VILL: variants seen among roughly 807,000 people sequenced by gnomAD.
The protein encoded by VILL is villin like.
In VILL, 102 loss-of-function variants were observed where a neutral mutation model predicts 106.3. The ratio of observed to expected loss-of-function variants is 0.96; its 90% CI spans 0.82 to 1.13. The LOEUF (loss-of-function observed/expected upper bound fraction) is 1.13, where lower values mean the gene tolerates loss of function less well. Among genes scored for constraint, VILL ranks in the 50% most tolerant of loss-of-function variants. VILL has a pLI of 0.00. For missense variants in VILL, 1,076 were observed against 1,116.6 expected (o/e 0.96, Z 0.52); for synonymous variants, 431 against 440.3 (o/e 0.98, Z 0.27).
chr3:37,995,709 G>A, intron 4 of VILL, 30 bp from the exon 5 acceptor site: 1 of 1,572,530 alleles, frequency 6.4e-7, no homozygotes, highest in Non-Finnish European at 8.7e-7. Context: ...TACACAGAAT[G>A]TATATACCCT....
chr3:38,003,135 A>G (rs1214254801), intron 14 of VILL, 33 bp from the exon 15 acceptor site: 6 of 1,609,258 alleles, frequency 3.7e-6, no homozygotes, highest in South Asian at 1.1e-5. Flanking sequence ...GCCCCTCCTC[A>G]TGCAGGGCCT....
rs772024254 is a variant in VILL at position 38,006,456 on chromosome 3, A to G, written c.2213A>G (p.Asn738Ser). The change falls in exon 19 of 20, where the codon AAC (asparagine) becomes AGC (serine). Residue 738 changes from asparagine (N) to serine (S), a missense_variant. Physicochemically the swap from Asn to Ser is conservative, Grantham distance 46 (BLOSUM62 1). Coordinates refer to ENST00000383759, the MANE Select transcript of VILL (RefSeq NM_015873.4). ...STISEITAEV[N>S]NLRLSRWPGN... is the part of the protein sequence containing the mutation. ...AGGCTCCTCTCTGGACAGGAAGTCA[A>G]CAACTTGCGGCTATCCAGATGGCCG... 16 of 1,599,502 alleles carry G rather than the reference A, an allele frequency of 1.0e-5. No homozygotes were observed. The East Asian group carries it at 3.4e-4, about 34-fold the overall frequency.
At chr3:37,990,325 C>T (rs774288147), upstream of VILL, among the ~76,000 whole-genome samples, 1 of 152,198 alleles carries the variant, frequency 6.6e-6, no homozygotes, top group African/African-American at 2.4e-5. The surrounding 1 kb of genome is among the most constrained non-coding windows in gnomAD (Gnocchi z 5.1). Context: ...GCCCTGACCA[C>T]CTTCCCCTCC....
At chr3:37,994,951 T>C (rs1040711591) in intron 4 of VILL, among the ~76,000 whole-genome samples, 5 of 152,282 alleles carry the variant, frequency 3.3e-5, no homozygotes, top group Non-Finnish European at 7.3e-5. Context: ...CCAAGTAATA[T>C]TGCATTTTAT....
At chr3:38,006,297 C>T (rs750947161) in intron 18 of VILL, 45 bp downstream of exon 18, 63 of 1,613,592 alleles carry the variant, frequency 3.9e-5, no homozygotes, top group Non-Finnish European at 5.1e-5. Context: ...GCCTGGGCTC[C>T]GACAGCATGG....
rs1403272688 is a variant in VILL, at chr3:37,993,934, G to C, written c.97G>C (p.Gly33Arg). 17 of 1,614,082 alleles carry C rather than the reference G, an allele frequency of 1.1e-5. No individual in the cohort carries two copies. Among genetic ancestry groups the C allele is most frequent in the Non-Finnish European group, 1.4e-5 (17 of 1,180,046 alleles). ...KMVPVPEGAY[G>R]NFFEEHCYVI... Reference sequence around the variant, plus strand: ...GGTGCCGGTACCCGAGGGGGCTTACGGGAACTTTTTTGAGGAACACTGCTA... The same window carrying C: ...GGTGCCGGTACCCGAGGGGGCTTACCGGAACTTTTTTGAGGAACACTGCTA... The change falls in exon 3 of 20, where the codon GGG (glycine) becomes CGG (arginine). Residue 33 changes from glycine (G) to arginine (R), a missense_variant. Gly to Arg is a moderately radical substitution (Grantham distance 125). Transcript: ENST00000383759.
intron 1 of VILL, among the ~76,000 whole-genome samples, chr3:37,991,505 G>A (rs1051677737): frequency 2.6e-5 from 4 of 151,526 alleles, no homozygotes; most frequent in Non-Finnish European, 4.4e-5. Context: ...GGGGAAATCA[G>A]AGGGGAGAAA....
At chr3:37,999,239 G>A in intron 10 of VILL, 100 bp from the exon 11 acceptor site, 3 of 1,229,834 alleles carry the variant, frequency 2.4e-6, no homozygotes, top group East Asian at 2.8e-5. Context: ...GGACGCGGCG[G>A]GACCTGGAAT....
rs1262429909 is a variant in VILL at position 37,997,440 on chromosome 3, G to A, written c.562-43G>A. ...GACAGGAGAAGTCTCTGCTGTGAGA[G>A]GGCACACTGGTGACACCCTGACTCC... On this transcript the variant is annotated intron_variant, in intron 6 of 19. Transcript: ENST00000383759. This position sits in a 1 kb window ranked among gnomAD's most constrained non-coding sequence, Gnocchi z 4.7. 6 of 1,599,660 alleles carry A rather than the reference G, an allele frequency of 3.8e-6. No homozygotes were observed. In the Middle Eastern group the frequency reaches 9.7e-4, roughly 258 times the overall value.
chr3:37,993,938 AC>A lies in VILL; in HGVS notation c.102del (p.Phe36LeufsTer85). On this transcript the variant is annotated frameshift_variant, in exon 3 of 20. Coordinates refer to ENST00000383759, the MANE Select transcript of VILL (RefSeq NM_015873.4). LOFTEE classifies it high-confidence loss of function. ...CCGGTACCCGAGGGGGCTTACGGGA[AC>A]TTTTTTGAGGAACACTGCTATGTCA... is the stretch of plus-strand genomic sequence containing the variant. ...MVPVPEGAYG[N>X]FFEEHCYVIL... The A allele has an allele frequency of 1.2e-6, 2 of 1,614,164 alleles. No individual in the cohort carries two copies. The highest frequency in any genetic ancestry group is 1.7e-6 in the Non-Finnish European group (2 of 1,180,036).
At position 37,997,502 on chromosome 3, in the gene VILL, G is replaced by A; in HGVS notation, c.581G>A (p.Ser194Asn). The A allele has an allele frequency of 6.2e-7, 1 of 1,613,912 alleles. No individual in the cohort carries two copies. The highest frequency in any genetic ancestry group is 1.1e-5 in the South Asian group (1 of 91,078). ...CCGCAGGGGCTGGCTTTGACCTACA[G>A]CCTCCGGGACAGGGAACGTGGTGGT... ...EKARGLALTY[S>N]LRDRERGGGR... The change falls in exon 7 of 20, where the codon AGC becomes AAC. Residue 194 changes from serine to asparagine, a missense_variant. By Grantham distance (46) the Ser-to-Asn change is conservative. Transcript: ENST00000383759. The surrounding 1 kb of genome is among the most constrained non-coding windows in gnomAD (Gnocchi z 4.7).
At position 37,997,457 on chromosome 3, in the gene VILL, C is replaced by G; in HGVS notation, c.562-26C>G. On this transcript the variant is annotated intron_variant, in intron 6 of 19. Transcript: ENST00000383759. This position sits in a 1 kb window ranked among gnomAD's most constrained non-coding sequence, Gnocchi z 4.7. Reference sequence around the variant, plus strand: ...CTGTGAGAGGGCACACTGGTGACACCCTGACTCCCAGGTCCTCTCCCGCAG... The same window carrying G: ...CTGTGAGAGGGCACACTGGTGACACGCTGACTCCCAGGTCCTCTCCCGCAG... The G allele has an allele frequency of 6.2e-7, 1 of 1,610,480 alleles. No homozygotes were observed. Among genetic ancestry groups the G allele is most frequent in the Non-Finnish European group, 8.5e-7 (1 of 1,179,272 alleles).
intron 13 of VILL, 61 bp downstream of exon 13, chr3:38,001,921 C>G: frequency 1.2e-6 from 2 of 1,608,026 alleles, no homozygotes; most frequent in Non-Finnish European, 1.7e-6. Context: ...CCATGGCCCC[C>G]GCACACACTT....
intron 15 of VILL, chr3:38,003,968 C>T (rs189144619): frequency 1.8e-5 from 6 of 325,152 alleles, no homozygotes; most frequent in East Asian, 1.5e-4. Flanking sequence ...CCAGGGAGGG[C>T]GAGACTCCAG....
upstream of VILL, among the ~76,000 whole-genome samples, chr3:37,988,546 A>G (rs111856498): frequency 8.6e-4 from 131 of 152,350 alleles, no homozygotes; most frequent in African/African-American, 3.1e-3. Context: ...GAGTGTCCTT[A>G]ACACCACAGA....
intron 5 of VILL, among the ~76,000 whole-genome samples, chr3:37,996,777 T>G (rs1451275166): frequency 6.6e-6 from 1 of 152,194 alleles, no homozygotes; most frequent in Non-Finnish European, 1.5e-5. Context: ...TAAGCACACT[T>G]CTTCACATGT....
rs1699737344 is a variant in VILL at position 37,998,031 on chromosome 3, G to A, written c.765-59G>A. 1.3e-6 allele frequency: 2 copies of A among 1,515,908 alleles called. No individual in the cohort carries two copies. The highest frequency in any genetic ancestry group is 1.4e-5 in the African/African-American group (1 of 72,402). 93.9% of individuals were successfully genotyped at this position (1,515,908 alleles called of 1,614,324 possible). On this transcript the variant is annotated intron_variant, in intron 7 of 19. Transcript: ENST00000383759. The surrounding 1 kb of genome is among the most constrained non-coding windows in gnomAD (Gnocchi z 4.1). ...TGGGGTGGGGTCCTAAATGGGGCTGGAGTGGAGACAGATCAGGGAGGGGCT... is the reference window on the plus strand; with the variant it reads ...TGGGGTGGGGTCCTAAATGGGGCTGAAGTGGAGACAGATCAGGGAGGGGCT...
rs1559657113 is a variant in VILL at position 37,999,065 on chromosome 3, CGGGGCT to C, written c.1081+17_1081+22del. Reference sequence around the variant, plus strand: ...CGGCGGGAGGGGTGAGCGGGCGGGGCGGGGCTGACGGGGGCGGGGCGGGACTGGCGG... The same window carrying C: ...CGGCGGGAGGGGTGAGCGGGCGGGGCGACGGGGGCGGGGCGGGACTGGCGG... On this transcript the variant is annotated intron_variant, in intron 10 of 19. Coordinates refer to ENST00000383759, the MANE Select transcript of VILL (RefSeq NM_015873.4). 7 of 145,646 alleles carry C rather than the reference CGGGGCT, an allele frequency of 4.8e-5. No individual in the cohort carries two copies. Among genetic ancestry groups the C allele is most frequent in the South Asian group, 2.7e-4 (4 of 14,748 alleles). The allele number at this position is 145,646 out of a possible 1,614,324, so 9.0% of individuals were successfully genotyped here.
At chr3:38,006,321 G>GCCCTTCA in intron 18 of VILL, 69 bp downstream of exon 18, 1 of 1,611,740 alleles carries the variant, frequency 6.2e-7, no homozygotes, top group Non-Finnish European at 8.5e-7. Flanking sequence ...TGATGGGCAG[G>GCCCTTCA]GGAAGTGCCA....
Sources: gnomAD v4.1 joint callset for allele counts (sites outside exome capture counted in the v4.1 genomes callset) on GRCh38, gnomAD v4.1.1 for gene constraint, Gnocchi (gnomAD v3.1) non-coding constraint, MANE v1.5 for transcripts, NCBI Gene and HGNC (gene_info 2026-07-23, HGNC 2026-07-21) for gene names.